The following ATRN variants were observed in gnomAD, a reference collection of about 807,000 sequenced individuals.
The protein encoded by ATRN is attractin-2.
A neutral mutation model predicts 178.7 loss-of-function variants in ATRN; 54 were observed. The ratio of observed to expected loss-of-function variants is 0.30; its 90% confidence interval spans 0.24 to 0.38. The LOEUF is 0.38. ATRN is among the 10% of genes least tolerant of loss of function. ATRN has a pLI of 1.00. For synonymous variants in ATRN, 636 were observed against 663.0 expected (o/e 0.96, Z 0.63); for missense variants, 1,443 against 1,815.1 (o/e 0.79, Z 3.73).
At chr20:3,587,132 C>G (rs909647239) in intron 18 of ATRN, among the ~76,000 whole-genome samples, 12 of 152,064 alleles carry the variant, frequency 7.9e-5, no homozygotes, top group Non-Finnish European at 1.5e-4. Flanking sequence ...TCTGAAGTCC[C>G]TTATTGGATA....
chr20:3,562,423 A>G lies in ATRN; in HGVS notation c.1595A>G (p.Asp532Gly), dbSNP rs2085967331. 4.3e-6 allele frequency: 7 copies of G among 1,614,174 alleles called. No individual in the cohort carries two copies. The highest frequency in any genetic ancestry group is 5.9e-6 in the Non-Finnish European group (7 of 1,180,032). ...AGTGCCAATAAGTACCGGCTTGCAG[A>G]TGATCTCTACCGATATGATGTGGAT... ...AFSANKYRLA[D>G]DLYRYDVDTQ... The change falls in exon 9 of 29, where the codon GAT becomes GGT. Residue 532 changes from aspartate (D) to glycine (G), a missense_variant. Asp to Gly is a moderately conservative substitution (Grantham distance 94). Around this residue, in one of 4 missense-constraint regions of ATRN, gnomAD observed 862 missense variants for 972.1 expected, o/e 0.89. Coordinates refer to ENST00000262919, the MANE Select transcript of ATRN (RefSeq NM_139321.3).
chr20:3,486,087 G>T (rs1317004876), intron 1 of ATRN, among the ~76,000 whole-genome samples: 1 of 152,066 alleles, frequency 6.6e-6, no homozygotes, highest in Non-Finnish European at 1.5e-5. Context: ...AATGTCTTCT[G>T]ATTTTTATTA....
At chr20:3,490,147 A>G in intron 1 of ATRN, 1 of 1,495,222 alleles carries the variant, frequency 6.7e-7, no homozygotes, top group Non-Finnish European at 9.3e-7. Flanking sequence ...GACTCCAGGG[A>G]CTTTCCTTTG....
intron 2 of ATRN, among the ~76,000 whole-genome samples, chr20:3,538,247 A>G (rs1338668604): frequency 1.3e-5 from 2 of 152,018 alleles, no homozygotes; most frequent in Admixed American, 6.6e-5. Flanking sequence ...TCTTTTTTCT[A>G]TGAGTGGTTC....
intron 1 of ATRN, among the ~76,000 whole-genome samples, chr20:3,532,102 G>C (rs2085461037): frequency 6.6e-6 from 1 of 152,144 alleles, no homozygotes; most frequent in Admixed American, 6.5e-5. Flanking sequence ...CTGCACTCCA[G>C]CCTGGGTGTC....
chr20:3,505,400 A>G (rs1397860254), intron 1 of ATRN, among the ~76,000 whole-genome samples: 1 of 152,204 alleles, frequency 6.6e-6, no homozygotes, highest in African/African-American at 2.4e-5. Context: ...CTTGTCCTGC[A>G]CTGTGCCATT....
intron 16 of ATRN, 24 bp from the exon 17 acceptor site, chr20:3,583,874 G>C (rs2086314789): frequency 1.2e-6 from 2 of 1,605,040 alleles, no homozygotes; most frequent in Non-Finnish European, 1.7e-6. Context: ...AGCTCTAAGT[G>C]TCTCTCTTGG....
At chr20:3,481,824 A>G (rs1206907089) in intron 1 of ATRN, among the ~76,000 whole-genome samples, 4 of 129,012 alleles carry the variant, frequency 3.1e-5, no homozygotes, top group Non-Finnish European at 4.8e-5. Flanking sequence ...AGAATTTGAC[A>G]TTAAAAGTAT....
intron 1 of ATRN, among the ~76,000 whole-genome samples, chr20:3,524,261 A>G (rs919120971): frequency 2.6e-5 from 4 of 152,070 alleles, no homozygotes; most frequent in Non-Finnish European, 2.9e-5. Context: ...CAGGGGTTGC[A>G]ATCCTAGTAT....
chr20:3,526,063 GAGAA>G, intron 1 of ATRN, among the ~76,000 whole-genome samples: 1 of 152,260 alleles, frequency 6.6e-6, no homozygotes. Context: ...AATCAGACAA[GAGAA>G]AGAAATAAAG....
rs146121315 is a variant in ATRN at position 3,568,960 on chromosome 20, T to A, written c.1871+3528T>A. ...ACTAGATACATCATGGAAGGGACAC[T>A]TGTTTGTAGTATGATAGTTGAAACA... On this transcript the variant is annotated intron_variant, in intron 11 of 28. Coordinates refer to ENST00000262919, the MANE Select transcript of ATRN (RefSeq NM_139321.3). Among the ~76,000 whole-genome samples the A allele has an allele frequency of 1.4e-3, 208 of 152,210 alleles. 1 individual carries two copies. Among genetic ancestry groups the A allele is most frequent in the Admixed American group, 3.2e-3 (49 of 15,288 alleles).
intron 1 of ATRN, among the ~76,000 whole-genome samples, chr20:3,482,679 T>C (rs1257892888): frequency 6.6e-6 from 1 of 152,208 alleles, no homozygotes; most frequent in Non-Finnish European, 1.5e-5. Context: ...TTTTATGCCT[T>C]CTCAGAACTT....
intron 1 of ATRN, among the ~76,000 whole-genome samples, chr20:3,475,718 A>G (rs984545273): frequency 2.0e-5 from 3 of 152,230 alleles, no homozygotes; most frequent in African/African-American, 7.2e-5. Flanking sequence ...GCTGTAGAAA[A>G]TGTTTGGGAG....
intron 27 of ATRN, among the ~76,000 whole-genome samples, chr20:3,643,540 G>T (rs561319334): frequency 6.6e-6 from 1 of 151,834 alleles, no homozygotes; most frequent in African/African-American, 2.4e-5. Context: ...AAAAAGAGAA[G>T]AAACTAATAT....
intron 21 of ATRN, 122 bp from the exon 22 acceptor site, chr20:3,597,784 A>G: frequency 5.1e-6 from 3 of 592,654 alleles, no homozygotes; most frequent in East Asian, 5.4e-5. Context: ...GAACCTGGGT[A>G]CAGCTGAGTT....
chr20:3,625,683 C>T (rs1209569252), intron 25 of ATRN, among the ~76,000 whole-genome samples: 1 of 152,080 alleles, frequency 6.6e-6, no homozygotes, highest in East Asian at 1.9e-4. Flanking sequence ...AGTTGCCCAC[C>T]CTAGAACCTT....
intron 22 of ATRN, among the ~76,000 whole-genome samples, chr20:3,599,070 A>G (rs953403157): frequency 2.6e-5 from 4 of 152,200 alleles, no homozygotes; most frequent in African/African-American, 7.2e-5. Context: ...AAATTAAGAA[A>G]AAATGTACTA....
At position 3,584,813 on chromosome 20, in the gene ATRN, GCCC is replaced by G; in HGVS notation, c.3119_3121del (p.Pro1040del). 1 of 1,614,180 alleles carries G rather than the reference GCCC, an allele frequency of 6.2e-7. No individual in the cohort carries two copies. The highest frequency in any genetic ancestry group is 8.5e-7 in the Non-Finnish European group (1 of 1,180,036). On this transcript the variant is annotated inframe_deletion, in exon 18 of 29. Transcript: ENST00000262919. ...CCCCTACAGGAAATTTCTATCCACA[GCCC>G]CTGCTCAATTCCAGCATGTGTCTAG...
At chr20:3,518,064 C>CTTCAG (rs375667668) in intron 1 of ATRN, among the ~76,000 whole-genome samples, 1 of 152,242 alleles carries the variant, frequency 6.6e-6, no homozygotes, top group African/African-American at 2.4e-5. Flanking sequence ...CACAGGCTAT[C>CTTCAG]TTCAGTGTGT....
Sources: gnomAD v4.1 joint callset for allele counts (sites outside exome capture counted in the v4.1 genomes callset) on GRCh38, gnomAD v4.1.1 for gene constraint, gnomAD v4.1.1 regional missense constraint, MANE v1.5 for transcripts, NCBI Gene and HGNC (gene_info 2026-07-23, HGNC 2026-07-21) for gene names.